Variants in ATXN1 observed in about 807,000 individuals in gnomAD.
ATXN1 encodes the protein ataxin 1.
ATXN1 carries 8 observed loss-of-function variants against 56.4 expected under a neutral mutation model. The ratio of observed to expected loss-of-function variants is 0.14; its 90% CI spans 0.08 to 0.26. The LOEUF is 0.26. Among genes scored for constraint, ATXN1 ranks in the 10% least tolerant of loss-of-function variants. ATXN1 has a pLI of 1.00. For synonymous variants in ATXN1, 514 were observed against 494.6 expected, an observed-to-expected ratio of 1.04 and a Z score of -0.52; for missense variants, 987 against 1,106.5, an observed-to-expected ratio of 0.89 and a Z score of 1.53.
At chr6:16,371,857 G>A (rs940990730) in intron 6 of ATXN1, among the ~76,000 whole-genome samples, 7 of 152,036 alleles carry the variant, frequency 4.6e-5, no homozygotes, top group African/African-American at 1.7e-4. Flanking sequence ...GGAATTACAG[G>A]CATGAGCCAC....
At chr6:16,319,678 CTGTT>C (rs1760599535) in intron 7 of ATXN1, among the ~76,000 whole-genome samples, 2 of 152,184 alleles carry the variant, frequency 1.3e-5, no homozygotes, top group Non-Finnish European at 2.9e-5. Context: ...ACAGGGAAAA[CTGTT>C]AGGTGTGTGA....
intron 6 of ATXN1, among the ~76,000 whole-genome samples, chr6:16,438,790 A>C (rs1759444353): frequency 6.6e-6 from 1 of 152,218 alleles, no homozygotes; most frequent in Admixed American, 6.5e-5. Flanking sequence ...ACTATCAAGA[A>C]ACTCTTAAAA....
chr6:16,360,635 G>A (rs1245004774), intron 6 of ATXN1, among the ~76,000 whole-genome samples: 2 of 152,158 alleles, frequency 1.3e-5, no homozygotes, highest in Non-Finnish European at 2.9e-5. Context: ...CCTCTTCAAC[G>A]GGTTTTTAAG....
At chr6:16,312,567 G>A (rs1561846019) in intron 7 of ATXN1, among the ~76,000 whole-genome samples, 3 of 152,044 alleles carry the variant, frequency 2.0e-5, no homozygotes, top group Non-Finnish European at 2.9e-5. Context: ...ACTGATAGGA[G>A]TGGCTGGGCA....
At chr6:16,370,363 T>C (rs1358910025) in intron 6 of ATXN1, among the ~76,000 whole-genome samples, 1 of 152,216 alleles carries the variant, frequency 6.6e-6, no homozygotes, top group Non-Finnish European at 1.5e-5. Context: ...AGCTACAGAT[T>C]TATCAAAGAA....
intron 6 of ATXN1, among the ~76,000 whole-genome samples, chr6:16,358,297 A>G (rs1197224031): frequency 6.6e-6 from 1 of 152,166 alleles, no homozygotes; most frequent in East Asian, 1.9e-4. Flanking sequence ...TGATCCAACA[A>G]TCCCACTACT....
rs771767595 is a variant in ATXN1, at chr6:16,326,754, A to G, written c.1557T>C (p.Pro519=). Residue 519 remains proline (P), a synonymous_variant, in exon 7 of 8, where the codon CCT becomes CCC. Transcript: ENST00000436367. The surrounding 1 kb of genome is among the most constrained non-coding windows in gnomAD (Gnocchi z 6.6). ...VTSSPQFAAV[P]HTFVTTALPK... is the part of the protein sequence containing the mutation. ...GAAGGGCGGTGGTGACGAACGTGTGAGGCACTGCAGCAAACTGGGGGGATG... is the reference window on the plus strand; with the variant it reads ...GAAGGGCGGTGGTGACGAACGTGTGGGGCACTGCAGCAAACTGGGGGGATG... 1.2e-6 allele frequency: 2 copies of G among 1,613,480 alleles called. No individual in the cohort carries two copies. The highest frequency in any genetic ancestry group is 1.1e-5 in the South Asian group (1 of 91,052).
intron 2 of ATXN1, among the ~76,000 whole-genome samples, chr6:16,746,282 C>G (rs1197716414): frequency 1.3e-5 from 2 of 152,080 alleles, no homozygotes; most frequent in Non-Finnish European, 2.9e-5. Flanking sequence ...GCACTAGCTG[C>G]CTAAAGAAAC....
intron 6 of ATXN1, among the ~76,000 whole-genome samples, chr6:16,415,840 A>C (rs1758893662): frequency 6.6e-6 from 1 of 152,238 alleles, no homozygotes; most frequent in Non-Finnish European, 1.5e-5. Context: ...TGGATCCTTC[A>C]TGCTGTAGGT....
intron 7 of ATXN1, among the ~76,000 whole-genome samples, chr6:16,313,882 GT>G (rs1760454411): frequency 6.6e-6 from 1 of 152,160 alleles, no homozygotes; most frequent in Admixed American, 6.5e-5. Context: ...TGAAATTTAT[GT>G]TAACCTAGAT....
At chr6:16,631,203 T>A (rs546727644) in intron 3 of ATXN1, among the ~76,000 whole-genome samples, 1 of 152,348 alleles carries the variant, frequency 6.6e-6, no homozygotes, top group Non-Finnish European at 1.5e-5. Flanking sequence ...CGATAAATTA[T>A]GGAGGCTGGA....
intron 4 of ATXN1, among the ~76,000 whole-genome samples, chr6:16,534,820 ACCTT>A (rs1236240953): frequency 6.6e-6 from 1 of 152,162 alleles, no homozygotes; most frequent in African/African-American, 2.4e-5. Context: ...TCTGGAATAA[ACCTT>A]CCTAAGTCTG....
intron 3 of ATXN1, among the ~76,000 whole-genome samples, chr6:16,587,779 A>C (rs1762651588): frequency 1.3e-5 from 2 of 151,958 alleles, no homozygotes; most frequent in Non-Finnish European, 1.5e-5. Context: ...CTAAAAAAAA[A>C]AACTAGCCAG....
At chr6:16,603,173 TGA>T (rs1345203422) in intron 3 of ATXN1, among the ~76,000 whole-genome samples, 2 of 152,216 alleles carry the variant, frequency 1.3e-5, no homozygotes, top group Non-Finnish European at 2.9e-5. Context: ...TACCAGTTTC[TGA>T]GAGCTTGAGG....
At chr6:16,699,824 A>G (rs957311076) in intron 2 of ATXN1, among the ~76,000 whole-genome samples, 1 of 152,218 alleles carries the variant, frequency 6.6e-6, no homozygotes, top group Non-Finnish European at 1.5e-5. Flanking sequence ...TTCAGTGATA[A>G]TCGTGGGCCA....
intron 3 of ATXN1, among the ~76,000 whole-genome samples, chr6:16,657,223 G>A (rs1400596148): frequency 1.3e-5 from 2 of 152,006 alleles, no homozygotes; most frequent in Admixed American, 6.6e-5. Flanking sequence ...TCCTGACCTC[G>A]TGATCCGCGC....
chr6:16,714,373 G>A (rs1302554414), intron 2 of ATXN1, among the ~76,000 whole-genome samples: 3 of 151,974 alleles, frequency 2.0e-5, no homozygotes, highest in Non-Finnish European at 2.9e-5. Flanking sequence ...ACCACCACCC[G>A]CCTTTGTAGA....
At chr6:16,706,695 G>A (rs1759414633) in intron 2 of ATXN1, among the ~76,000 whole-genome samples, 1 of 148,228 alleles carries the variant, frequency 6.7e-6, no homozygotes, top group South Asian at 2.1e-4. Context: ...TTGCGCTCCA[G>A]CCTGGGCGAC....
At chr6:16,434,555 C>T (rs921935618) in intron 6 of ATXN1, among the ~76,000 whole-genome samples, 32 of 152,214 alleles carry the variant, frequency 2.1e-4, no homozygotes, top group African/African-American at 7.5e-4. Flanking sequence ...TCTTTGATGA[C>T]TCAGTGTGTA....
Sources: gnomAD v4.1 joint callset for allele counts (sites outside exome capture counted in the v4.1 genomes callset) on GRCh38, gnomAD v4.1.1 for gene constraint, Gnocchi (gnomAD v3.1) non-coding constraint, MANE v1.5 for transcripts, NCBI Gene and HGNC (gene_info 2026-07-23, HGNC 2026-07-21) for gene names.